The following ABCA10 variants were observed in gnomAD, a reference collection of about 807,000 sequenced individuals.
ABCA10 encodes ATP binding cassette subfamily A member 10, also known as ATP-binding cassette sub-family A member 10.
Under a neutral mutation model 187.5 loss-of-function variants are expected in ABCA10, and 169 were observed. That is an observed-to-expected ratio of 0.90 (90% CI 0.80 to 1.02). The LOEUF (loss-of-function observed/expected upper bound fraction) is 1.02. ABCA10 is among the 50% of genes least tolerant of loss of function. The probability of loss-of-function intolerance (pLI) is 0.00; values close to 1 mark genes in which losing one functional copy is unlikely to be tolerated. For synonymous variants in ABCA10, 574 were observed against 601.8 expected (o/e 0.95, Z 0.68); for missense variants, 1,727 against 1,812.4 (o/e 0.95, Z 0.86).
intron 9 of ABCA10, among the ~76,000 whole-genome samples, chr17:69,205,760 T>C (rs906192696): frequency 5.9e-5 from 9 of 152,196 alleles, no homozygotes; most frequent in African/African-American, 2.2e-4. Context: ...GTTTAAAGAT[T>C]ACTTGTGCTT....
At chr17:69,208,258 A>G (rs1470857920) in intron 9 of ABCA10, among the ~76,000 whole-genome samples, 3 of 151,962 alleles carry the variant, frequency 2.0e-5, no homozygotes, top group East Asian at 3.9e-4. Flanking sequence ...TCTACTAAAA[A>G]TACAAAAAAA....
chr17:69,180,668 C>T (rs2144787924), intron 22 of ABCA10, among the ~76,000 whole-genome samples: 1 of 152,226 alleles, frequency 6.6e-6, no homozygotes, highest in South Asian at 2.1e-4. Context: ...TATTTTTGCT[C>T]TGAACTGGTA....
chr17:69,153,379 G>T lies in ABCA10; in HGVS notation c.4062C>A (p.Ile1354=). 1 of 1,613,710 alleles carries T rather than the reference G, an allele frequency of 6.2e-7. No homozygotes were observed. The highest frequency in any genetic ancestry group is 8.5e-7 in the Non-Finnish European group (1 of 1,179,822). The change falls in exon 34 of 39, where the codon ATC becomes ATA. Residue 1354 remains isoleucine, a synonymous_variant. Transcript: ENST00000690296. The part of the protein sequence containing the change: ...IKRKLCFVLS[I]LGNPSVVLLD... ...GAAGCACCACTGATGGGTTCCCCAG[G>T]ATGCTCAGCACAAAGCACAGCTGCA...
chr17:69,175,540 C>T (rs1048481337), intron 22 of ABCA10, 27 bp from the exon 23 acceptor site: 1 of 1,524,202 alleles, frequency 6.6e-7, no homozygotes, highest in Non-Finnish European at 9.0e-7. Context: ...CATCAGTAAG[C>T]TGTTGCAATT....
intron 36 of ABCA10, 162 bp from the exon 37 acceptor site, chr17:69,150,225 A>T: frequency 3.9e-6 from 2 of 507,468 alleles, no homozygotes; most frequent in Non-Finnish European, 6.9e-6. Flanking sequence ...ATCATAAAAA[A>T]AGTTATAACA....
chr17:69,161,145 G>A (rs1181716757), intron 27 of ABCA10, among the ~76,000 whole-genome samples: 1 of 152,038 alleles, frequency 6.6e-6, no homozygotes, highest in East Asian at 1.9e-4. Flanking sequence ...AGTGAAATAA[G>A]CTAGTCACAA....
intron 7 of ABCA10, 99 bp downstream of exon 7, chr17:69,216,117 GA>G: frequency 1.9e-6 from 3 of 1,542,964 alleles, no homozygotes; most frequent in Non-Finnish European, 2.6e-6. Flanking sequence ...AAATAGGATA[GA>G]AAATATAGTG....
intron 21 of ABCA10, 78 bp from the exon 22 acceptor site, chr17:69,182,368 A>T (rs1169109915): frequency 1.7e-6 from 2 of 1,173,984 alleles, no homozygotes; most frequent in Non-Finnish European, 2.2e-6. Context: ...ATATTACCAG[A>T]GTGGAATTAG....
intron 1 of ABCA10, among the ~76,000 whole-genome samples, chr17:69,238,371 C>T (rs2074884831): frequency 6.6e-6 from 1 of 152,062 alleles, no homozygotes; most frequent in South Asian, 2.1e-4. Context: ...AACTAGTATA[C>T]ACACTATGAT....
rs1306867412 is a variant in ABCA10, at chr17:69,158,640, TAAC to T, written c.3364-1720_3364-1718del. 3.3e-5 allele frequency among the ~76,000 whole-genome samples: 5 copies of T among 152,120 alleles called. No individual in the cohort carries two copies. The South Asian group carries it at 1.0e-3, about 31-fold the overall frequency. On this transcript the variant is annotated intron_variant, in intron 27 of 38. Transcript: ENST00000690296. ...AATACTGCTCTAGCAAAATAAACAT[TAAC>T]AATAATGTCCATAAAAGTCCACATA...
intron 27 of ABCA10, among the ~76,000 whole-genome samples, chr17:69,157,678 A>G (rs1054853187): frequency 2.6e-5 from 4 of 152,166 alleles, no homozygotes; most frequent in South Asian, 2.1e-4. Context: ...GACTCTACAT[A>G]TATAGGCAAC....
intron 22 of ABCA10, among the ~76,000 whole-genome samples, chr17:69,178,576 G>A (rs1316512086): frequency 1.3e-5 from 2 of 152,146 alleles, no homozygotes; most frequent in African/African-American, 4.8e-5. Flanking sequence ...ACTTCTGCTG[G>A]CATATAAATC....
At chr17:69,192,942 G>A (rs962182607) in intron 15 of ABCA10, among the ~76,000 whole-genome samples, 168 bp downstream of exon 15, 1 of 152,176 alleles carries the variant, frequency 6.6e-6, no homozygotes, top group Non-Finnish European at 1.5e-5. Context: ...AACTTTGCAG[G>A]GTTACACCCC....
In ABCA10 at chr17:69,172,209, A is replaced by C. The variant is rs534535566; in HGVS notation, c.3162+2072T>G. Among the ~76,000 whole-genome samples the C allele has an allele frequency of 3.3e-5, 5 of 152,280 alleles. No homozygotes were observed. In the South Asian group the frequency reaches 1.0e-3, roughly 32 times the overall value. Reference sequence around the variant, plus strand: ...TATTTATTAACTTTAGGCTTTGTTAAGTTTAGCACATAAAAAATTTTTCAG... The same window carrying C: ...TATTTATTAACTTTAGGCTTTGTTACGTTTAGCACATAAAAAATTTTTCAG... On this transcript the variant is annotated intron_variant, in intron 25 of 38. Transcript: ENST00000690296.
At chr17:69,219,910 T>G in intron 5 of ABCA10, 139 bp from the exon 6 acceptor site, 1 of 630,494 alleles carries the variant, frequency 1.6e-6, no homozygotes, top group Non-Finnish European at 2.5e-6. Context: ...CAGAACAATC[T>G]TAATAACTTT....
At chr17:69,226,639 C>T (rs534474020) in intron 2 of ABCA10, among the ~76,000 whole-genome samples, 4 of 152,094 alleles carry the variant, frequency 2.6e-5, no homozygotes, top group East Asian at 1.9e-4. Flanking sequence ...ACAAAAAGCA[C>T]GGCTTTGAAG....
upstream of ABCA10, among the ~76,000 whole-genome samples, chr17:69,229,106 A>G (rs930676637): frequency 6.6e-6 from 1 of 152,112 alleles, no homozygotes; most frequent in Non-Finnish European, 1.5e-5. Flanking sequence ...ACTGCATTTC[A>G]GTTAAATGGT....
At chr17:69,159,713 G>A (rs573187846) in intron 27 of ABCA10, among the ~76,000 whole-genome samples, 46 of 152,210 alleles carry the variant, frequency 3.0e-4, no homozygotes, top group African/African-American at 9.9e-4. Context: ...TCATTCCCAA[G>A]TTGTTCCAAA....
Position 69,183,614 on chromosome 17 carries a change from G to A in ABCA10, c.2498-806C>T, listed in dbSNP as rs571307216. Among the ~76,000 whole-genome samples the A allele has an allele frequency of 1.4e-4, 22 of 152,226 alleles. No homozygotes were observed. The South Asian group carries it at 3.1e-3, about 22-fold the overall frequency. ...TGGGGAATCCGAAGGTTGAGATCACGGGAGGATTTTACCTTACCTGGAGCT... is the reference window on the plus strand; with the variant it reads ...TGGGGAATCCGAAGGTTGAGATCACAGGAGGATTTTACCTTACCTGGAGCT... On this transcript the variant is annotated intron_variant, in intron 20 of 38. Transcript: ENST00000690296.
Sources: allele counts gnomAD v4.1 joint callset (sites outside exome capture counted in the v4.1 genomes callset), GRCh38; gene constraint gnomAD v4.1.1; transcripts MANE v1.5; gene names NCBI Gene and HGNC (gene_info 2026-07-23, HGNC 2026-07-21).